The following DCTN6 variants were observed in gnomAD, a reference collection of about 807,000 sequenced individuals.
DCTN6 encodes dynactin 6.
Under a neutral mutation model 25.8 loss-of-function variants are expected in DCTN6, and 15 were observed. The observed-to-expected ratio is 0.58, with a 90% CI of 0.39 to 0.89. The LOEUF is 0.89. DCTN6 is among the 40% of genes least tolerant of loss of function. The probability of loss-of-function intolerance (pLI) is 0.00; values close to 1 mark genes in which losing one functional copy is unlikely to be tolerated. For synonymous variants in DCTN6, 64 were observed against 78.3 expected, an observed-to-expected ratio of 0.82 and a Z score of 0.96; for missense variants, 198 against 237.6, an observed-to-expected ratio of 0.83 and a Z score of 1.09.
At chr8:30,171,792 AT>A (rs1364033366) in intron 2 of DCTN6, among the ~76,000 whole-genome samples, 1 of 152,148 alleles carries the variant, frequency 6.6e-6, no homozygotes, top group Admixed American at 6.6e-5. Flanking sequence ...TAAATCTCCC[AT>A]TTTTTAAGAA....
intron 1 of DCTN6, 44 bp downstream of exon 1, chr8:30,156,450 G>A (rs774105467): frequency 1.6e-5 from 26 of 1,579,896 alleles, no homozygotes; most frequent in Non-Finnish European, 2.2e-5. Context: ...GCTTTCCGTA[G>A]GGGTGGAACC....
At position 30,164,058 on chromosome 8, in the gene DCTN6, C is replaced by T; in HGVS notation, c.24-53C>T. 2.0e-6 allele frequency: 3 copies of T among 1,466,018 alleles called. No individual in the cohort carries two copies. The South Asian group carries it at 3.4e-5, about 17-fold the overall frequency. The allele number at this position is 1,466,018 out of a possible 1,614,324, so 90.8% of individuals were successfully genotyped here. Reference sequence around the variant, plus strand: ...CATTACAATGTCACGGTAGCTCCTCCAACAGTATGTTTAATCTTACCCCTG... The same window carrying T: ...CATTACAATGTCACGGTAGCTCCTCTAACAGTATGTTTAATCTTACCCCTG... On this transcript the variant is annotated intron_variant, in intron 1 of 6. Coordinates refer to ENST00000221114, the MANE Select transcript of DCTN6 (RefSeq NM_006571.4).
intron 6 of DCTN6, chr8:30,180,963 T>C: frequency 2.9e-6 from 1 of 339,772 alleles, no homozygotes; most frequent in East Asian, 4.6e-5. Flanking sequence ...GAGTGTGAGG[T>C]TACCATGAGC....
At chr8:30,158,291 A>G (rs907132728) in intron 1 of DCTN6, among the ~76,000 whole-genome samples, 2 of 152,230 alleles carry the variant, frequency 1.3e-5, no homozygotes, top group Non-Finnish European at 2.9e-5. Flanking sequence ...GCAATGAGAA[A>G]TAAGGTCTAA....
At chr8:30,167,350 T>A (rs1803692430) in intron 2 of DCTN6, among the ~76,000 whole-genome samples, 2 of 152,108 alleles carry the variant, frequency 1.3e-5, no homozygotes, top group Admixed American at 1.3e-4. Flanking sequence ...CCTTTTAGTT[T>A]GTTTGTTTGT....
Position 30,183,454 on chromosome 8 carries a change from A to C in DCTN6, c.*281A>C. The C allele has an allele frequency of 4.0e-6, 1 of 249,060 alleles. No homozygotes were observed. Among genetic ancestry groups the C allele is most frequent in the Non-Finnish European group, 7.7e-6 (1 of 130,348 alleles). 15.4% of individuals were successfully genotyped at this position (249,060 alleles called of 1,614,324 possible). A position where few individuals can be genotyped will look rare whatever the true frequency, so the allele number is the denominator to read the frequency against. On this transcript the variant is annotated 3_prime_UTR_variant, in exon 7 of 7. Transcript: ENST00000221114. ...TAGCCACAAATTTTAGTTATGTAAA[A>C]GGCTACCCTTGACAAGAAAAGACAT...
intron 1 of DCTN6, among the ~76,000 whole-genome samples, chr8:30,161,412 C>G (rs538200966): frequency 1.4e-4 from 22 of 152,308 alleles, no homozygotes; most frequent in African/African-American, 4.8e-4. Flanking sequence ...CCTGACCCCC[C>G]CCACCACCAA....
intron 5 of DCTN6, 107 bp downstream of exon 5, chr8:30,179,562 G>A (rs527460618): frequency 1.1e-6 from 1 of 942,728 alleles, no homozygotes; most frequent in African/African-American, 1.7e-5. Context: ...GTGCTTGGAA[G>A]TGGGCTACAA....
intron 1 of DCTN6, among the ~76,000 whole-genome samples, chr8:30,163,179 C>G (rs914441761): frequency 6.6e-6 from 1 of 152,096 alleles, no homozygotes; most frequent in Admixed American, 6.6e-5. Context: ...TGCCTGTAAT[C>G]CCAGCTACTA....
chr8:30,158,920 T>C (rs993061281), intron 1 of DCTN6, among the ~76,000 whole-genome samples: 1 of 151,944 alleles, frequency 6.6e-6, no homozygotes, highest in Non-Finnish European at 1.5e-5. Flanking sequence ...TAGCTGGGAC[T>C]ACAGGCACCC....
Position 30,175,153 on chromosome 8 carries a change from G to A in DCTN6, c.157G>A (p.Gly53Arg). 6.2e-7 allele frequency: 1 copy of A among 1,614,076 alleles called. No individual in the cohort carries two copies. The highest frequency in any genetic ancestry group is 8.5e-7 in the Non-Finnish European group (1 of 1,180,004). Residue 53 changes from glycine (G) to arginine (R), a missense_variant, in exon 3 of 7, where the codon GGG (glycine) becomes AGG (arginine). Physicochemically the swap from Gly to Arg is moderately radical, Grantham distance 125 (BLOSUM62 -2). Coordinates refer to ENST00000221114, the MANE Select transcript of DCTN6 (RefSeq NM_006571.4). ...AGCCGGGCCAATAGTGATTGGCGAA[G>A]GGAACCTAATAGAAGAACAGGCCCT... ...AEAGPIVIGE[G>R]NLIEEQALII...
chr8:30,163,942 T>C (rs1159576585), intron 1 of DCTN6, among the ~76,000 whole-genome samples, 169 bp from the exon 2 acceptor site: 3 of 152,096 alleles, frequency 2.0e-5, no homozygotes, highest in African/African-American at 7.2e-5. Flanking sequence ...CCTCAGGTGA[T>C]CCCCCCACCT....
intron 1 of DCTN6, among the ~76,000 whole-genome samples, chr8:30,158,253 G>A (rs1258565293): frequency 6.6e-6 from 1 of 152,204 alleles, no homozygotes; most frequent in Non-Finnish European, 1.5e-5. Flanking sequence ...TTTTCATAAT[G>A]AGAAGGAAGC....
rs138899878 is a variant in DCTN6 at position 30,175,426 on chromosome 8, C to T, written c.194+236C>T. Among the ~76,000 whole-genome samples the T allele has an allele frequency of 2.3e-3, 344 of 152,274 alleles. 1 individual carries two copies. Among genetic ancestry groups the T allele is most frequent in the African/African-American group, 7.8e-3 (326 of 41,546 alleles). ...CTGCCTAGAATCTTTGACGCTCGGT[C>T]TGGTGATCTTCCCCTTACATGTGGC... On this transcript the variant is annotated intron_variant, in intron 3 of 6. Coordinates refer to ENST00000221114, the MANE Select transcript of DCTN6 (RefSeq NM_006571.4).
Position 30,183,331 on chromosome 8 carries a change from C to T in DCTN6, c.*158C>T. On this transcript the variant is annotated 3_prime_UTR_variant, in exon 7 of 7. Coordinates refer to ENST00000221114, the MANE Select transcript of DCTN6 (RefSeq NM_006571.4). Reference sequence around the variant, plus strand: ...GGAAACTAATGGAGTTTCATTGTAACTGTCCTTTGTAATTTATATAAATGT... The same window carrying T: ...GGAAACTAATGGAGTTTCATTGTAATTGTCCTTTGTAATTTATATAAATGT... The T allele has an allele frequency of 4.2e-6, 2 of 480,808 alleles. No homozygotes were observed. The highest frequency in any genetic ancestry group is 7.3e-6 in the Non-Finnish European group (2 of 274,880). The allele number at this position is 480,808 out of a possible 1,614,324, so 29.8% of individuals were successfully genotyped here.
At chr8:30,164,066 T>C in intron 1 of DCTN6, 45 bp from the exon 2 acceptor site, 1 of 1,492,960 alleles carries the variant, frequency 6.7e-7, no homozygotes, top group Non-Finnish European at 9.3e-7. Context: ...TCCAACAGTA[T>C]GTTTAATCTT....
At chr8:30,156,500 C>T (rs1803526811) in intron 1 of DCTN6, 94 bp downstream of exon 1, 3 of 1,441,014 alleles carry the variant, frequency 2.1e-6, no homozygotes, top group African/African-American at 2.8e-5. Flanking sequence ...GAAGGTGTCT[C>T]ATCCTGGGCA....
Position 30,183,211 on chromosome 8 carries a change from AC to A in DCTN6, c.*40del. On this transcript the variant is annotated 3_prime_UTR_variant, in exon 7 of 7. Transcript: ENST00000221114. ...ACATGAAGATAACATTTTGTCTTTGACCACTGTCTTTTGAATGGGCCCACAG... is the reference window on the plus strand; with the variant it reads ...ACATGAAGATAACATTTTGTCTTTGACACTGTCTTTTGAATGGGCCCACAG... 1 of 1,559,224 alleles carries A rather than the reference AC, an allele frequency of 6.4e-7. No individual in the cohort carries two copies. The highest frequency in any genetic ancestry group is 8.8e-7 in the Non-Finnish European group (1 of 1,132,660).
intron 2 of DCTN6, among the ~76,000 whole-genome samples, chr8:30,171,162 G>A (rs1393084489): frequency 1.3e-5 from 2 of 152,028 alleles, no homozygotes; most frequent in Non-Finnish European, 2.9e-5. Flanking sequence ...CTTGATGACC[G>A]GCAGAATATC....
Sources: gnomAD v4.1 joint callset for allele counts (sites outside exome capture counted in the v4.1 genomes callset) on GRCh38, gnomAD v4.1.1 for gene constraint, MANE v1.5 for transcripts, NCBI Gene and HGNC (gene_info 2026-07-23, HGNC 2026-07-21) for gene names.